Variants in CAMKMT observed in about 807,000 individuals in gnomAD.
The protein encoded by CAMKMT is CaM KMT.
A neutral mutation model predicts 48.0 loss-of-function variants in CAMKMT; 53 were observed. The observed-to-expected ratio is 1.10, with a 90% confidence interval of 0.89 to 1.39. The LOEUF is 1.39. Among genes scored for constraint, CAMKMT ranks in the 40% most tolerant of loss-of-function variants. The pLI is 0.00. For synonymous variants in CAMKMT, 165 were observed against 152.3 expected (o/e 1.08, Z -0.61); for missense variants, 428 against 402.7 (o/e 1.06, Z -0.54).
chr2:44,437,869 G>T (rs1465790501), intron 3 of CAMKMT, among the ~76,000 whole-genome samples: 1 of 149,762 alleles, frequency 6.7e-6, no homozygotes, highest in Admixed American at 6.7e-5. Context: ...GATCAAACAG[G>T]ATTCAGATTC....
At chr2:44,489,761 A>C (rs1303564596) in intron 3 of CAMKMT, among the ~76,000 whole-genome samples, 1 of 152,218 alleles carries the variant, frequency 6.6e-6, no homozygotes, top group Non-Finnish European at 1.5e-5. Flanking sequence ...ATTATTGTAA[A>C]AAGAACAAGA....
At chr2:44,662,679 A>G (rs1014595566) in intron 3 of CAMKMT, among the ~76,000 whole-genome samples, 49 of 152,168 alleles carry the variant, frequency 3.2e-4, no homozygotes, top group Middle Eastern at 3.4e-3. Flanking sequence ...TGCTCAGGTA[A>G]TCCTCTCACC....
intron 3 of CAMKMT, among the ~76,000 whole-genome samples, chr2:44,688,737 C>G (rs1038467373): frequency 6.6e-6 from 1 of 152,120 alleles, no homozygotes; most frequent in African/African-American, 2.4e-5. Context: ...AGAAATGATT[C>G]TTTCCTCAAG....
chr2:44,750,751 C>T (rs1011267418), intron 8 of CAMKMT, among the ~76,000 whole-genome samples: 8 of 152,178 alleles, frequency 5.3e-5, no homozygotes, highest in Non-Finnish European at 8.8e-5. Context: ...CGGTGGCTCA[C>T]GCCTATAATC....
chr2:44,766,421 C>T lies in CAMKMT; in HGVS notation c.763-9C>T. The stretch of plus-strand genomic sequence containing the variant: ...TTAAAATATGTGAATTTCCTTTTTA[C>T]TGTTCTAGGGGAAAGCGATGGTATT... On this transcript the variant is annotated splice_polypyrimidine_tract_variant and intron_variant, in intron 9 of 10. Transcript: ENST00000378494. 1 of 1,612,568 alleles carries T rather than the reference C, an allele frequency of 6.2e-7. No individual in the cohort carries two copies. Among genetic ancestry groups the T allele is most frequent in the Non-Finnish European group, 8.5e-7 (1 of 1,179,638 alleles).
Position 44,372,843 on chromosome 2 carries a change from T to A in CAMKMT, c.266T>A (p.Val89Asp). 3.1e-6 allele frequency: 5 copies of A among 1,613,868 alleles called. No individual in the cohort carries two copies. The highest frequency in any genetic ancestry group is 3.4e-6 in the Non-Finnish European group (4 of 1,179,886). ...ACTGAAGAGGAGGTTGGTGCATGGG[T>A]CCAATATACAAGCATCTTCTGTCCT... is the stretch of plus-strand genomic sequence containing the variant. ...RETEEEVGAW[V>D]QYTSIFCPEY... Residue 89 changes from valine (V) to aspartate (D), a missense_variant, in exon 2 of 11, where the codon GTC (valine) becomes GAC (aspartate). By Grantham distance (152) the Val-to-Asp change is radical (BLOSUM62 -3). Transcript: ENST00000378494.
chr2:44,545,005 A>ATAAT (rs1346631383), intron 3 of CAMKMT, among the ~76,000 whole-genome samples: 4 of 152,258 alleles, frequency 2.6e-5, no homozygotes, highest in African/African-American at 9.6e-5. Flanking sequence ...CAATGAGGAC[A>ATAAT]TAATACACTG....
intron 7 of CAMKMT, among the ~76,000 whole-genome samples, chr2:44,716,667 A>G (rs1162724026): frequency 6.6e-6 from 1 of 152,194 alleles, no homozygotes; most frequent in Non-Finnish European, 1.5e-5. Context: ...CATTGTTAGG[A>G]CAGCCTTTCC....
intron 3 of CAMKMT, among the ~76,000 whole-genome samples, chr2:44,565,662 G>A (rs1437609241): frequency 6.6e-6 from 1 of 150,602 alleles, no homozygotes; most frequent in Non-Finnish European, 1.5e-5. Context: ...CAGAGAATCG[G>A]ATCTAAGTAA....
At chr2:44,452,971 T>C (rs1667370826) in intron 3 of CAMKMT, among the ~76,000 whole-genome samples, 1 of 152,064 alleles carries the variant, frequency 6.6e-6, no homozygotes, top group African/African-American at 2.4e-5. Flanking sequence ...CTAAATTATA[T>C]GGTGAATTAT....
chr2:44,423,997 CTG>C (rs1024964039), intron 3 of CAMKMT, among the ~76,000 whole-genome samples: 2 of 152,078 alleles, frequency 1.3e-5, no homozygotes, highest in African/African-American at 4.8e-5. Flanking sequence ...GTGTATGTAG[CTG>C]TTTTTGTTTT....
chr2:44,440,756 AG>A (rs1468269793), intron 3 of CAMKMT, among the ~76,000 whole-genome samples: 1 of 152,126 alleles, frequency 6.6e-6, no homozygotes, highest in East Asian at 1.9e-4. Context: ...AATTTTCCAC[AG>A]TAGTATCACA....
intron 4 of CAMKMT, 65 bp from the exon 5 acceptor site, chr2:44,706,222 A>AT: frequency 6.5e-7 from 1 of 1,540,954 alleles, no homozygotes; most frequent in Non-Finnish European, 9.0e-7. Flanking sequence ...CTTGTAACAT[A>AT]TATCTCTCTC....
chr2:44,689,538 C>A (rs530965942), intron 3 of CAMKMT, among the ~76,000 whole-genome samples: 51 of 152,088 alleles, frequency 3.4e-4, no homozygotes, highest in Admixed American at 2.9e-3. Flanking sequence ...GGCATTACTT[C>A]CCCCACGTAA....
At chr2:44,547,954 C>T (rs1344468855) in intron 3 of CAMKMT, among the ~76,000 whole-genome samples, 5 of 152,056 alleles carry the variant, frequency 3.3e-5, no homozygotes, top group Non-Finnish European at 7.3e-5. Flanking sequence ...TGGCTGCTTG[C>T]CCATCAGAGG....
At chr2:44,385,408 A>C (rs1417169987) in intron 2 of CAMKMT, among the ~76,000 whole-genome samples, 1 of 152,160 alleles carries the variant, frequency 6.6e-6, no homozygotes, top group Non-Finnish European at 1.5e-5. Flanking sequence ...GTCGAGGTAA[A>C]CAATCATATC....
intron 3 of CAMKMT, among the ~76,000 whole-genome samples, chr2:44,627,697 CTTTTTTTTTTTTTTT>C (rs1174344846): frequency 9.3e-5 from 7 of 75,098 alleles, no homozygotes; most frequent in East Asian, 8.5e-4. Flanking sequence ...CCATTTTATC[CTTTTTTTTTTTTTTT>C]TTTTTTTTTT....
intron 2 of CAMKMT, among the ~76,000 whole-genome samples, chr2:44,384,139 G>T (rs1026371110): frequency 6.6e-6 from 1 of 152,066 alleles, no homozygotes; most frequent in Admixed American, 6.6e-5. Context: ...AGTATCTATT[G>T]TTTTTTGACT....
chr2:44,451,005 G>C (rs1433834021), intron 3 of CAMKMT, among the ~76,000 whole-genome samples: 1 of 152,064 alleles, frequency 6.6e-6, no homozygotes, highest in Non-Finnish European at 1.5e-5. Flanking sequence ...AGCAGTACTG[G>C]ACATTCTTTG....
Sources: allele counts gnomAD v4.1 joint callset (sites outside exome capture counted in the v4.1 genomes callset), GRCh38; gene constraint gnomAD v4.1.1; transcripts MANE v1.5; gene names NCBI Gene and HGNC (gene_info 2026-07-23, HGNC 2026-07-21).